Variants in STK39 observed in about 807,000 individuals in gnomAD.
STK39 encodes the protein STE20/SPS1-related proline-alanine-rich protein kinase.
STK39 carries 20 observed loss-of-function variants against 77.8 expected under a neutral mutation model. The ratio of observed to expected loss-of-function variants is 0.26; its 90% CI spans 0.18 to 0.37. The LOEUF (loss-of-function observed/expected upper bound fraction) is 0.37. STK39 is among the 10% of genes least tolerant of loss of function. STK39 has a pLI of 1.00. For synonymous variants in STK39, 246 were observed against 234.1 expected, an observed-to-expected ratio of 1.05 and a Z score of -0.47; for missense variants, 479 against 656.5, an observed-to-expected ratio of 0.73 and a Z score of 2.95.
intron 10 of STK39, among the ~76,000 whole-genome samples, chr2:168,115,168 G>T (rs1687226573): frequency 6.6e-6 from 1 of 152,124 alleles, no homozygotes; most frequent in Non-Finnish European, 1.5e-5. Flanking sequence ...CTACAAAACA[G>T]CTAACTGTAG....
intron 14 of STK39, among the ~76,000 whole-genome samples, chr2:168,043,738 T>A (rs942499413): frequency 6.6e-6 from 1 of 152,254 alleles, no homozygotes; most frequent in African/African-American, 2.4e-5. Context: ...TAGCACATAT[T>A]ACTCTGTGAA....
intron 1 of STK39, among the ~76,000 whole-genome samples, chr2:168,213,894 A>C (rs57629053): frequency 6.6e-6 from 1 of 152,346 alleles, no homozygotes; most frequent in East Asian, 1.9e-4. Context: ...AACAAAAATT[A>C]GAAACATCCT....
intron 4 of STK39, among the ~76,000 whole-genome samples, chr2:168,163,490 T>C (rs1000361318): frequency 6.6e-6 from 1 of 152,230 alleles, no homozygotes; most frequent in African/African-American, 2.4e-5. Flanking sequence ...TTTATTCTCT[T>C]GTTTCTTTCT....
At chr2:168,173,988 C>T (rs1308111410) in intron 2 of STK39, among the ~76,000 whole-genome samples, 2 of 152,190 alleles carry the variant, frequency 1.3e-5, no homozygotes, top group South Asian at 2.1e-4. Context: ...AATCAATCAA[C>T]GAATGTCCTT....
chr2:168,119,937 A>G (rs1313543786), intron 10 of STK39, among the ~76,000 whole-genome samples: 4 of 152,326 alleles, frequency 2.6e-5, no homozygotes, highest in African/African-American at 9.6e-5. Context: ...TTGGACTGTT[A>G]GGACATGATG....
intron 16 of STK39, among the ~76,000 whole-genome samples, chr2:167,967,402 C>T (rs1692187473): frequency 6.6e-6 from 1 of 152,200 alleles, no homozygotes; most frequent in Non-Finnish European, 1.5e-5. Flanking sequence ...ACTCCTCCCA[C>T]CCGCCTGTCC....
intron 10 of STK39, among the ~76,000 whole-genome samples, chr2:168,124,548 T>C (rs1045861400): frequency 6.6e-6 from 1 of 152,060 alleles, no homozygotes; most frequent in African/African-American, 2.4e-5. Flanking sequence ...TACAGGCAAG[T>C]GTCACCACGC....
intron 4 of STK39, among the ~76,000 whole-genome samples, chr2:168,162,050 C>A (rs2105585671): frequency 6.6e-6 from 1 of 152,202 alleles, no homozygotes; most frequent in Admixed American, 6.5e-5. Context: ...CTTTGGGAGG[C>A]CAAGGTGGGT....
In STK39 at chr2:168,138,069, T is replaced by C. The variant is rs201526593; in HGVS notation, c.974+19A>G. The C allele has an allele frequency of 3.1e-5, 50 of 1,611,630 alleles. No individual in the cohort carries two copies. The South Asian group carries it at 5.1e-4, about 16-fold the overall frequency. ...TGGCTCAAACCAGGTCATTAACTCATCCACTAAGTTTCACTTACCTTTTGG... is the reference window on the plus strand; with the variant it reads ...TGGCTCAAACCAGGTCATTAACTCACCCACTAAGTTTCACTTACCTTTTGG... On this transcript the variant is annotated intron_variant, in intron 8 of 17. Transcript: ENST00000355999.
chr2:168,059,652 C>T (rs539539869), intron 14 of STK39, among the ~76,000 whole-genome samples: 2 of 152,320 alleles, frequency 1.3e-5, no homozygotes, highest in African/African-American at 4.8e-5. Flanking sequence ...AGACACTGAG[C>T]AGACTATCCC....
chr2:168,080,224 T>A (rs963807335), intron 10 of STK39, among the ~76,000 whole-genome samples: 2 of 152,158 alleles, frequency 1.3e-5, no homozygotes, highest in African/African-American at 4.8e-5. Flanking sequence ...TGGAAGAAAT[T>A]TCTAAGCAGC....
intron 1 of STK39, among the ~76,000 whole-genome samples, chr2:168,215,832 G>A (rs989460128): frequency 1.3e-5 from 2 of 152,064 alleles, no homozygotes; most frequent in Admixed American, 6.5e-5. Flanking sequence ...ATCAGAGCTG[G>A]GATAAAGGTC....
intron 8 of STK39, among the ~76,000 whole-genome samples, chr2:168,137,272 GGATA>G (rs1199514786): frequency 9.2e-5 from 14 of 152,288 alleles, no homozygotes; most frequent in Admixed American, 7.2e-4. Context: ...AGGTGGATTA[GGATA>G]GATAGGAACT....
intron 14 of STK39, among the ~76,000 whole-genome samples, chr2:168,024,527 T>G (rs1260739216): frequency 6.6e-6 from 1 of 152,148 alleles, no homozygotes; most frequent in African/African-American, 2.4e-5. Context: ...GAGTTTAATC[T>G]TTTGCTCTCT....
chr2:168,109,130 C>T (rs1448826), intron 10 of STK39, among the ~76,000 whole-genome samples: 151,392 of 152,334 alleles, frequency 0.99, 75,233 homozygotes, highest in Middle Eastern at 1. Flanking sequence ...TAATATTCAA[C>T]ATATACAAAC....
chr2:168,110,070 TATAG>T (rs1687081414), intron 10 of STK39, among the ~76,000 whole-genome samples: 1 of 152,214 alleles, frequency 6.6e-6, no homozygotes, highest in East Asian at 1.9e-4. Flanking sequence ...TCTTTTCTTT[TATAG>T]ATAGACCCTT....
At chr2:167,995,732 G>A (rs558823569) in intron 16 of STK39, among the ~76,000 whole-genome samples, 15 of 152,308 alleles carry the variant, frequency 9.8e-5, no homozygotes, top group Admixed American at 3.3e-4. Context: ...GAAATTAAAG[G>A]AGAATGGATT....
intron 1 of STK39, among the ~76,000 whole-genome samples, chr2:168,194,873 T>C (rs1689428844): frequency 6.6e-6 from 1 of 152,098 alleles, no homozygotes; most frequent in South Asian, 2.1e-4. Flanking sequence ...CCATTACAAG[T>C]ATTGATTTTT....
At chr2:168,003,137 C>A (rs886752628) in intron 16 of STK39, among the ~76,000 whole-genome samples, 3 of 152,102 alleles carry the variant, frequency 2.0e-5, no homozygotes, top group Non-Finnish European at 2.9e-5. Context: ...GCACACACCA[C>A]CAGCTAATTT....
Sources: gnomAD v4.1 joint callset for allele counts (sites outside exome capture counted in the v4.1 genomes callset) on GRCh38, gnomAD v4.1.1 for gene constraint, MANE v1.5 for transcripts, NCBI Gene and HGNC (gene_info 2026-07-23, HGNC 2026-07-21) for gene names.